The following TTC34 variants were observed in gnomAD, a reference collection of about 807,000 sequenced individuals.
TTC34 encodes tetratricopeptide repeat domain 34.
A neutral mutation model predicts 40.7 loss-of-function variants in TTC34; 44 were observed. The observed-to-expected ratio is 1.08, with a 90% CI of 0.85 to 1.39. TTC34 has a LOEUF of 1.39. Ranked by LOEUF, TTC34 falls within the 40% of genes most tolerant of loss-of-function variation. TTC34 has a pLI of 0.00. For missense variants in TTC34, 884 were observed against 838.0 expected, an observed-to-expected ratio of 1.05 and a Z score of -0.68; for synonymous variants, 422 against 398.6, an observed-to-expected ratio of 1.06 and a Z score of -0.70.
chr1:2,683,623 G>T (rs1640183304), intron 6 of TTC34, among the ~76,000 whole-genome samples: 1 of 145,166 alleles, frequency 6.9e-6, no homozygotes, highest in Admixed American at 6.8e-5. Context: ...TCCTTCAGCA[G>T]CACCCACACC....
At chr1:2,754,363 T>G (rs1314776711) in intron 6 of TTC34, among the ~76,000 whole-genome samples, 22 of 6,638 alleles carry the variant, frequency 3.3e-3, no homozygotes, top group East Asian at 6.8e-3. Flanking sequence ...TGACTGCATG[T>G]ATCAGCACCC....
rs1183948380 is a variant in TTC34 at position 2,644,244 on chromosome 1, C to G, written c.2712+20G>C. 1.3e-6 allele frequency: 2 copies of G among 1,526,548 alleles called. No homozygotes were observed. The highest frequency in any genetic ancestry group is 2.7e-5 in the African/African-American group (2 of 72,830). 94.6% of individuals were successfully genotyped at this position (1,526,548 alleles called of 1,614,324 possible). A position where few individuals can be genotyped will look rare whatever the true frequency, so the allele number is the denominator to read the frequency against. ...GCTGGGGAAGGTTGGGGTGGGAGATCTGTGGGGTTCTTTGGGCACCTGGGC... is the reference window on the plus strand; with the variant it reads ...GCTGGGGAAGGTTGGGGTGGGAGATGTGTGGGGTTCTTTGGGCACCTGGGC... On this transcript the variant is annotated intron_variant, in intron 8 of 8. Coordinates refer to ENST00000401095, the Ensembl canonical transcript of TTC34.
At chr1:2,779,395 C>A (rs889773739) in intron 6 of TTC34, among the ~76,000 whole-genome samples, 74 of 152,176 alleles carry the variant, frequency 4.9e-4, no homozygotes, top group Admixed American at 1.0e-3. Context: ...AGGATCTCAG[C>A]TCACTGCAAC....
At chr1:2,655,365 CA>C (rs1639307400) in intron 6 of TTC34, among the ~76,000 whole-genome samples, 1 of 109,000 alleles carries the variant, frequency 9.2e-6, no homozygotes, top group South Asian at 3.2e-4. Context: ...CCTGGAGCAG[CA>C]ACCACACCCC....
At chr1:2,653,642 A>ACCCACACCCCAGGTGAGCATC (rs1639231188) in intron 6 of TTC34, among the ~76,000 whole-genome samples, 5 of 125,532 alleles carry the variant, frequency 4.0e-5, no homozygotes, top group East Asian at 5.4e-4. Flanking sequence ...CTGGAGCAGC[A>ACCCACACCCCAGGTGAGCATC]TCCACACCCC....
chr1:2,752,305 C>G lies in TTC34; in HGVS notation c.2226+31304G>C, dbSNP rs1327046910. 1.1e-4 allele frequency among the ~76,000 whole-genome samples: 13 copies of G among 118,140 alleles called. 1 individual carries two copies. The highest frequency in any genetic ancestry group is 3.4e-4 in the African/African-American group (9 of 26,622). 77.5% of individuals were successfully genotyped at this position (118,140 alleles called of 152,430 possible). ...GCACCTTGCACCCCCAGGGGAGCAT[C>G]TGACAGCCTGGAACAGCACGCACAC... is the stretch of plus-strand genomic sequence containing the variant. On this transcript the variant is annotated intron_variant, in intron 6 of 8. Coordinates refer to ENST00000401095, the Ensembl canonical transcript of TTC34.
chr1:2,800,625 C>T, exon 2 of TTC34: 1 of 398,558 alleles, frequency 2.5e-6, no homozygotes. Context: ...CTGGCTGTCC[C>T]CGCGGCACCA....
intron 6 of TTC34, among the ~76,000 whole-genome samples, chr1:2,654,125 C>T (rs11510860): frequency 0.022 from 2,584 of 115,960 alleles, no homozygotes; most frequent in South Asian, 0.074. Flanking sequence ...GAGCAGCACC[C>T]ACACCCCCAG....
At chr1:2,749,071 AGC>A (rs1641235185) in intron 6 of TTC34, among the ~76,000 whole-genome samples, 1 of 142,890 alleles carries the variant, frequency 7.0e-6, no homozygotes, top group African/African-American at 2.6e-5. Flanking sequence ...AGCCTGGAGC[AGC>A]ACCCACAACC....
intron 6 of TTC34, among the ~76,000 whole-genome samples, chr1:2,753,009 C>T (rs1641375825): frequency 6.8e-6 from 1 of 147,668 alleles, no homozygotes; most frequent in Non-Finnish European, 1.5e-5. Context: ...GGAATGGCAT[C>T]CTCACCTCCA....
chr1:2,777,693 G>T lies in TTC34; in HGVS notation c.2226+5916C>A, dbSNP rs951695179. ...GGGTGAAGAGGCAGAGGGCATGGGG[G>T]GGGGGGCGCAGCATCAGCCCATATC... On this transcript the variant is annotated intron_variant, in intron 6 of 8. Transcript: ENST00000401095. 3.3e-5 allele frequency among the ~76,000 whole-genome samples: 5 copies of T among 151,940 alleles called. No individual in the cohort carries two copies. The East Asian group carries it at 5.8e-4, about 18-fold the overall frequency.
At chr1:2,688,757 G>C (rs555230487) in intron 6 of TTC34, among the ~76,000 whole-genome samples, 13 of 116,326 alleles carry the variant, frequency 1.1e-4, no homozygotes, top group Non-Finnish European at 1.8e-4. Flanking sequence ...TGACCGCCTG[G>C]AACAGCACCC....
At chr1:2,688,598 G>A (rs1411845028) in intron 6 of TTC34, among the ~76,000 whole-genome samples, 4 of 126,748 alleles carry the variant, frequency 3.2e-5, no homozygotes, top group African/African-American at 3.5e-5. Context: ...ACAGCCTGGA[G>A]CAGCACCCAC....
In TTC34 at chr1:2,755,037, A is replaced by C. The variant is rs1641459542; in HGVS notation, c.2226+28572T>G. 7.6e-5 allele frequency among the ~76,000 whole-genome samples: 5 copies of C among 66,008 alleles called. 1 individual carries two copies. The highest frequency in any genetic ancestry group is 7.0e-4 in the Admixed American group (5 of 7,164). 43.3% of individuals were successfully genotyped at this position (66,008 alleles called of 152,430 possible). On this transcript the variant is annotated intron_variant, in intron 6 of 8. Transcript: ENST00000401095. ...ACCCACACACCCAAGTGAGCATCTGACAGCCTGGAACAGCACCCTGCACCC... is the reference window on the plus strand; with the variant it reads ...ACCCACACACCCAAGTGAGCATCTGCCAGCCTGGAACAGCACCCTGCACCC...
chr1:2,752,319 C>T (rs1375762677), intron 6 of TTC34, among the ~76,000 whole-genome samples: 1 of 121,496 alleles, frequency 8.2e-6, no homozygotes, highest in Non-Finnish European at 1.7e-5. Context: ...CAGCCTGGAA[C>T]AGCACGCACA....
chr1:2,780,783 C>T (rs1643469797), intron 6 of TTC34, among the ~76,000 whole-genome samples: 1 of 152,186 alleles, frequency 6.6e-6, no homozygotes, highest in East Asian at 1.9e-4. Flanking sequence ...AGCTTTTCTA[C>T]TTCTGTAAAA....
At chr1:2,654,169 C>A (rs1353319468) in intron 6 of TTC34, among the ~76,000 whole-genome samples, 98 of 126,834 alleles carry the variant, frequency 7.7e-4, no homozygotes, top group Middle Eastern at 4.1e-3. Flanking sequence ...AGCACCCACA[C>A]CCCCAGGCGA....
intron 6 of TTC34, among the ~76,000 whole-genome samples, chr1:2,690,141 CA>C (rs1640549717): frequency 8.8e-6 from 1 of 113,706 alleles, no homozygotes; most frequent in African/African-American, 3.0e-5. Context: ...ACCCACACCC[CA>C]AGGTGAGCAT....
intron 6 of TTC34, among the ~76,000 whole-genome samples, chr1:2,692,712 T>G (rs565296832): frequency 1.2e-5 from 1 of 85,208 alleles, no homozygotes; most frequent in Non-Finnish European, 2.3e-5. Flanking sequence ...ACACCCCAGG[T>G]GAGCATCTGA....
Sources: gnomAD v4.1 joint callset for allele counts (sites outside exome capture counted in the v4.1 genomes callset) on GRCh38, gnomAD v4.1.1 for gene constraint, MANE v1.5 for transcripts, NCBI Gene and HGNC (gene_info 2026-07-23, HGNC 2026-07-21) for gene names.